THRB: variants seen among roughly 807,000 people sequenced by gnomAD.
THRB encodes nuclear receptor subfamily 1 group A member 2.
THRB carries 12 observed loss-of-function variants against 47.8 expected under a neutral mutation model. That is an observed-to-expected ratio of 0.25 (90% confidence interval 0.16 to 0.41). The LOEUF (loss-of-function observed/expected upper bound fraction) is 0.41. Among genes scored for constraint, THRB ranks in the 10% least tolerant of loss-of-function variants. The pLI, the probability that THRB is intolerant of heterozygous loss-of-function variation, is 1.00. For synonymous variants in THRB, 218 were observed against 212.2 expected (o/e 1.03, Z -0.24); for missense variants, 348 against 589.2 (o/e 0.59, Z 4.24).
chr3:24,169,800 C>T (rs1226769621), intron 5 of THRB, among the ~76,000 whole-genome samples: 1 of 149,392 alleles, frequency 6.7e-6, no homozygotes, highest in Admixed American at 6.7e-5. Flanking sequence ...CATGACCCAC[C>T]ACCTGTTTCG....
At chr3:24,225,065 C>CA (rs2047518635) in intron 4 of THRB, among the ~76,000 whole-genome samples, 1 of 152,152 alleles carries the variant, frequency 6.6e-6, no homozygotes, top group South Asian at 2.1e-4. Context: ...GGCAAATGGA[C>CA]AATCACTATG....
chr3:24,172,356 A>G (rs1056651541), intron 5 of THRB, among the ~76,000 whole-genome samples: 10 of 152,094 alleles, frequency 6.6e-5, no homozygotes, highest in Non-Finnish European at 1.3e-4. Context: ...GGAAATGCAA[A>G]TCCCCAGGTG....
At chr3:24,396,676 C>T (rs1333916910) in intron 1 of THRB, among the ~76,000 whole-genome samples, 1 of 152,114 alleles carries the variant, frequency 6.6e-6, no homozygotes, top group East Asian at 1.9e-4. Context: ...TGTGTTTAGG[C>T]TTCCATGGCT....
chr3:24,135,359 TG>T (rs1311861498), intron 8 of THRB, among the ~76,000 whole-genome samples: 1 of 152,240 alleles, frequency 6.6e-6, no homozygotes, highest in Non-Finnish European at 1.5e-5. Flanking sequence ...TAACAAATGC[TG>T]GCAGCATTTA....
At chr3:24,272,066 G>C (rs564373155) in intron 3 of THRB, among the ~76,000 whole-genome samples, 1 of 152,238 alleles carries the variant, frequency 6.6e-6, no homozygotes, top group Admixed American at 6.5e-5. Flanking sequence ...CTATAGTCTG[G>C]GCATAGGGCT....
At chr3:24,349,950 G>T (rs918959261) in intron 1 of THRB, among the ~76,000 whole-genome samples, 2 of 151,990 alleles carry the variant, frequency 1.3e-5, no homozygotes, top group African/African-American at 4.8e-5. Context: ...AGAGTGAAAA[G>T]TGGGAAACAA....
At chr3:24,342,963 G>C (rs2062775924) in intron 1 of THRB, among the ~76,000 whole-genome samples, 1 of 152,242 alleles carries the variant, frequency 6.6e-6, no homozygotes, top group South Asian at 2.1e-4. Flanking sequence ...AGGCTGCAAA[G>C]GCAGAAACAG....
intron 3 of THRB, among the ~76,000 whole-genome samples, chr3:24,250,373 A>G (rs1016547379): frequency 1.3e-5 from 2 of 152,188 alleles, no homozygotes; most frequent in Admixed American, 1.3e-4. Context: ...AGATATAACC[A>G]TACATTATGC....
At chr3:24,468,913 A>C (rs2074350076) in intron 1 of THRB, among the ~76,000 whole-genome samples, 1 of 152,234 alleles carries the variant, frequency 6.6e-6, no homozygotes, top group Non-Finnish European at 1.5e-5. Flanking sequence ...TTGTAAAAAA[A>C]TAAATTAATA....
intron 9 of THRB, among the ~76,000 whole-genome samples, chr3:24,128,503 G>A (rs1053475799): frequency 2.6e-5 from 4 of 152,162 alleles, no homozygotes; most frequent in Non-Finnish European, 4.4e-5. Flanking sequence ...ATGTGGCAAC[G>A]TTAATAATAA....
intron 3 of THRB, among the ~76,000 whole-genome samples, chr3:24,266,661 C>T (rs1369242040): frequency 6.6e-6 from 1 of 152,052 alleles, no homozygotes; most frequent in Admixed American, 6.6e-5. Context: ...CCAGCCAAGC[C>T]CAGGTCCCCA....
chr3:24,131,982 C>G (rs561515896), intron 9 of THRB, among the ~76,000 whole-genome samples: 1 of 152,228 alleles, frequency 6.6e-6, no homozygotes, highest in Non-Finnish European at 1.5e-5. Flanking sequence ...CCGAAGCCCA[C>G]TTTCCTGTCC....
At chr3:24,432,093 T>C (rs1240157470) in intron 1 of THRB, among the ~76,000 whole-genome samples, 1 of 152,122 alleles carries the variant, frequency 6.6e-6, no homozygotes, top group Non-Finnish European at 1.5e-5. Context: ...GGTAATATTC[T>C]ACTTCCTAAA....
At chr3:24,152,272 C>T (rs1023167268) in intron 6 of THRB, 118 bp downstream of exon 6, 2 of 663,224 alleles carry the variant, frequency 3.0e-6, no homozygotes, top group Non-Finnish European at 5.6e-6. Context: ...GATCACAGAC[C>T]ATGGATGTTA....
chr3:24,197,726 TG>T (rs2044121249), intron 4 of THRB, among the ~76,000 whole-genome samples: 1 of 152,232 alleles, frequency 6.6e-6, no homozygotes, highest in African/African-American at 2.4e-5. Context: ...TGAGCAATAA[TG>T]TGCTCTATGC....
chr3:24,437,105 T>C (rs975960803), intron 1 of THRB, among the ~76,000 whole-genome samples: 1 of 148,120 alleles, frequency 6.8e-6, no homozygotes, highest in Non-Finnish European at 1.5e-5. Flanking sequence ...TGTGTGTATA[T>C]ATATATACAT....
intron 5 of THRB, among the ~76,000 whole-genome samples, chr3:24,186,066 A>C (rs2042534948): frequency 6.6e-6 from 1 of 152,206 alleles, no homozygotes; most frequent in South Asian, 2.1e-4. Context: ...GAAGGGAAGA[A>C]AAATGCACAT....
chr3:24,163,225 A>G (rs1024493124), intron 5 of THRB, among the ~76,000 whole-genome samples: 1 of 152,256 alleles, frequency 6.6e-6, no homozygotes, highest in Non-Finnish European at 1.5e-5. Flanking sequence ...TTGTAAAAGT[A>G]AATAATGGTG....
chr3:24,333,271 G>A (rs750047172), intron 2 of THRB, among the ~76,000 whole-genome samples: 6 of 152,138 alleles, frequency 3.9e-5, no homozygotes, highest in Admixed American at 1.3e-4. Flanking sequence ...CCATTCTCAT[G>A]AATAACTGGA....
Sources: allele counts gnomAD v4.1 joint callset (sites outside exome capture counted in the v4.1 genomes callset), GRCh38; gene constraint gnomAD v4.1.1; transcripts MANE v1.5; gene names NCBI Gene and HGNC (gene_info 2026-07-23, HGNC 2026-07-21).